The following IFNL2 variants were observed in gnomAD, a reference collection of about 807,000 sequenced individuals.
IFNL2 encodes the protein interferon lambda-2.
Under a neutral mutation model 18.7 loss-of-function variants are expected in IFNL2, and 17 were observed. The observed-to-expected ratio is 0.91, with a 90% CI of 0.62 to 1.36. The LOEUF is 1.36. IFNL2 is among the 40% of genes most tolerant of loss of function. The pLI is 0.00. For synonymous variants in IFNL2, 96 were observed against 113.4 expected (o/e 0.85, Z 0.98); for missense variants, 225 against 257.3 (o/e 0.87, Z 0.86).
chr19:39,269,347 C>G, intron 3 of IFNL2, 118 bp downstream of exon 3: 1 of 1,478,702 alleles, frequency 6.8e-7, no homozygotes, highest in Non-Finnish European at 9.2e-7. Flanking sequence ...CACCTGCTCT[C>G]CCTTCCCTCC....
In IFNL2 at chr19:39,269,638, G is replaced by A. The variant is rs775197345; in HGVS notation, c.420+1G>A. 6.2e-6 allele frequency: 10 copies of A among 1,613,798 alleles called. No homozygotes were observed. Among genetic ancestry groups the A allele is most frequent in the South Asian group, 1.1e-5 (1 of 91,078 alleles). ...TATCCTCTCCCAGTTCCGGGCCTGT[G>A]TGAGTCGTTGGGGCCTGGGCACCCA... is the stretch of plus-strand genomic sequence containing the variant. On this transcript the variant is annotated splice_donor_variant, in intron 4 of 5. Transcript: ENST00000331982. LOFTEE classifies it high-confidence loss of function.
rs562612532 is a variant in IFNL2 at position 39,269,056 on chromosome 19, C to A, written c.193-96C>A. ...CCTCTACCATCCTCCCAGCAGTTAA[C>A]CTCCCCTATCCTGTTGTCAGCCATC... On this transcript the variant is annotated intron_variant, in intron 2 of 5. Transcript: ENST00000331982. The A allele has an allele frequency of 2.8e-6, 4 of 1,438,018 alleles. No homozygotes were observed. The East Asian group carries it at 7.4e-5, about 27-fold the overall frequency. The allele number at this position is 1,438,018 out of a possible 1,614,324, so 89.1% of individuals were successfully genotyped here. A position where few individuals can be genotyped will look rare whatever the true frequency, so the allele number is the denominator to read the frequency against.
chr19:39,268,848 A>G lies in IFNL2; in HGVS notation c.182A>G (p.Lys61Arg). ...PQELQAFKRA[K>R]DALEESLLLK... ...GAGCTGCAGGCCTTTAAGAGGGCCA[A>G]AGATGCCTTAGTGAGTCTCCCCCTG... Residue 61 changes from lysine (K) to arginine (R), a missense_variant, in exon 2 of 6, where the codon AAA becomes AGA. Lys to Arg is a conservative substitution (Grantham distance 26). Coordinates refer to ENST00000331982, the MANE Select transcript of IFNL2 (RefSeq NM_172138.2). The G allele has an allele frequency of 1.2e-6, 2 of 1,612,298 alleles. No individual in the cohort carries two copies. Among genetic ancestry groups the G allele is most frequent in the African/African-American group, 1.3e-5 (1 of 74,854 alleles).
intron 3 of IFNL2, 104 bp downstream of exon 3, chr19:39,269,333 C>T: frequency 6.8e-7 from 1 of 1,478,018 alleles, no homozygotes; most frequent in Non-Finnish European, 9.2e-7. Flanking sequence ...CTCTCTTCTC[C>T]TCACACCTGC....
At chr19:39,269,012 T>C in intron 2 of IFNL2, 140 bp from the exon 3 acceptor site, 1 of 1,371,084 alleles carries the variant, frequency 7.3e-7, no homozygotes, top group Admixed American at 2.2e-5. Flanking sequence ...CTGACTCATG[T>C]TTTCCTGTAG....
chr19:39,269,833 G>A lies in IFNL2; in HGVS notation c.504+12G>A, dbSNP rs746655483. 19 of 1,607,912 alleles carry A rather than the reference G, an allele frequency of 1.2e-5. No homozygotes were observed. Among genetic ancestry groups the A allele is most frequent in the Admixed American group, 8.4e-5 (5 of 59,210 alleles). On this transcript the variant is annotated intron_variant, in intron 5 of 5. Coordinates refer to ENST00000331982, the MANE Select transcript of IFNL2 (RefSeq NM_172138.2). ...AGGCCCCAAAAAAGGTGAGTGACCC[G>A]GGAAGAGAGGGACTGAGGTCTGGGG...
In IFNL2 at chr19:39,268,769, C is replaced by G. The variant is rs767990657; in HGVS notation, c.103C>G (p.Leu35Val). 1.2e-6 allele frequency: 2 copies of G among 1,613,514 alleles called. No individual in the cohort carries two copies. The highest frequency in any genetic ancestry group is 1.7e-5 in the Admixed American group (1 of 59,996). Reference sequence around the variant, plus strand: ...TCCTGTCGCCAGGCTCCACGGGGCTCTCCCGGATGCAAGGGGCTGCCACAT... The same window carrying G: ...TCCTGTCGCCAGGCTCCACGGGGCTGTCCCGGATGCAAGGGGCTGCCACAT... ...AVPVARLHGA[L>V]PDARGCHIAQ... is the part of the protein sequence containing the mutation. Residue 35 changes from leucine to valine, a missense_variant, in exon 2 of 6, where the codon CTC becomes GTC. Leu to Val is a conservative substitution (Grantham distance 32). Transcript: ENST00000331982.
At position 39,268,975 on chromosome 19, in the gene IFNL2, G is replaced by A. The variant is rs2144995286; in HGVS notation, c.192+117G>A. On this transcript the variant is annotated intron_variant, in intron 2 of 5. Transcript: ENST00000331982. The stretch of plus-strand genomic sequence containing the variant: ...GCTAGCCTCCACCCTCCCTGCAGTG[G>A]GCTATCTCATGCTCCTACTGTAGGG... The A allele has an allele frequency of 1.1e-5, 16 of 1,393,266 alleles. No individual in the cohort carries two copies. The South Asian group carries it at 2.2e-4, about 19-fold the overall frequency. The allele number at this position is 1,393,266 out of a possible 1,614,324, so 86.3% of individuals were successfully genotyped here. A position where few individuals can be genotyped will look rare whatever the true frequency, so the allele number is the denominator to read the frequency against.
At chr19:39,269,347 C>T in intron 3 of IFNL2, 118 bp downstream of exon 3, 1 of 1,478,702 alleles carries the variant, frequency 6.8e-7, no homozygotes, top group Non-Finnish European at 9.2e-7. Context: ...CACCTGCTCT[C>T]CCTTCCCTCC....
Position 39,269,226 on chromosome 19 carries a change from G to A in IFNL2, c.267G>A (p.Leu89=), listed in dbSNP as rs754499511. The change falls in exon 3 of 6, where the codon CTG becomes CTA. Residue 89 remains leucine (L), a synonymous_variant. Transcript: ENST00000331982. Reference sequence around the variant, plus strand: ...CCAGGACCTGGGACCTGAGGCAGCTGCAGGTGAGAGGGGGAGTCAGGCCCA... The same window carrying A: ...CCAGGACCTGGGACCTGAGGCAGCTACAGGTGAGAGGGGGAGTCAGGCCCA... ...LFPRTWDLRQ[L]QVRERPMALE... 1.2e-6 allele frequency: 2 copies of A among 1,609,908 alleles called. No individual in the cohort carries two copies. The highest frequency in any genetic ancestry group is 2.2e-5 in the East Asian group (1 of 44,700).
At chr19:39,269,422 C>T (rs2075027152) in intron 3 of IFNL2, 66 bp from the exon 4 acceptor site, 1 of 1,583,956 alleles carries the variant, frequency 6.3e-7, no homozygotes, top group African/African-American at 1.3e-5. Context: ...TTGTTCCTCT[C>T]TATCCTGCTC....
intron 2 of IFNL2, 132 bp downstream of exon 2, chr19:39,268,990 C>T (rs1222257086): frequency 5.1e-6 from 7 of 1,378,714 alleles, no homozygotes; most frequent in Non-Finnish European, 6.9e-6. Context: ...TCTCATGCTC[C>T]TACTGTAGGG....
In IFNL2 at chr19:39,269,630, G is replaced by T. The variant is rs781235388; in HGVS notation, c.413G>T (p.Arg138Leu). 1.2e-6 allele frequency: 2 copies of T among 1,613,990 alleles called. No individual in the cohort carries two copies. Among genetic ancestry groups the T allele is most frequent in the African/African-American group, 1.3e-5 (1 of 75,004 alleles). Residue 138 changes from arginine to leucine, a missense_variant, in exon 4 of 6, where the codon CGG becomes CTG. Arg to Leu is a moderately radical substitution (Grantham distance 102). Transcript: ENST00000331982. ...CTGCACCATATCCTCTCCCAGTTCC[G>T]GGCCTGTGTGAGTCGTTGGGGCCTG... ...HTLHHILSQF[R>L]ACIQPQPTAG...
chr19:39,269,452 C>T (rs370263782), intron 3 of IFNL2, 36 bp from the exon 4 acceptor site: 56 of 1,611,422 alleles, frequency 3.5e-5, no homozygotes, highest in Non-Finnish European at 4.6e-5. Context: ...TTCCCCTCAC[C>T]TCCCCCCTCA....
intron 4 of IFNL2, 22 bp downstream of exon 4, chr19:39,269,659 A>C: frequency 6.2e-7 from 1 of 1,612,862 alleles, no homozygotes; most frequent in Non-Finnish European, 8.5e-7. Flanking sequence ...GGGCCTGGGC[A>C]CCCAGGTCTG....
At chr19:39,268,913 G>C in intron 2 of IFNL2, 55 bp downstream of exon 2, 2 of 1,572,940 alleles carry the variant, frequency 1.3e-6, no homozygotes, top group Non-Finnish European at 1.7e-6. Flanking sequence ...CACTCCAAGC[G>C]TCACCATGCT....
Position 39,269,165 on chromosome 19 carries a change from T to C in IFNL2, c.206T>C (p.Leu69Pro). The change falls in exon 3 of 6, where the codon CTG becomes CCG. Residue 69 changes from leucine (L) to proline (P), a missense_variant. Leu to Pro is a moderately conservative substitution (Grantham distance 98). Coordinates refer to ENST00000331982, the MANE Select transcript of IFNL2 (RefSeq NM_172138.2). ...RAKDALEESL[L>P]LKDCRCHSRL... Reference sequence around the variant, plus strand: ...TTTGCTGTCTAGGAAGAGTCGCTTCTGCTGAAGGACTGCAGGTGCCACTCC... The same window carrying C: ...TTTGCTGTCTAGGAAGAGTCGCTTCCGCTGAAGGACTGCAGGTGCCACTCC... 2 of 1,611,854 alleles carry C rather than the reference T, an allele frequency of 1.2e-6. No individual in the cohort carries two copies. The highest frequency in any genetic ancestry group is 1.3e-5 in the African/African-American group (1 of 74,958).
intron 2 of IFNL2, 21 bp downstream of exon 2, chr19:39,268,879 C>T: frequency 6.2e-7 from 1 of 1,601,016 alleles, no homozygotes; most frequent in Non-Finnish European, 8.5e-7. Flanking sequence ...CCCTGCCCTC[C>T]TGCCATGGAC....
intron 4 of IFNL2, 26 bp downstream of exon 4, chr19:39,269,663 A>C: frequency 6.2e-7 from 1 of 1,612,620 alleles, no homozygotes; most frequent in East Asian, 2.2e-5. Flanking sequence ...CTGGGCACCC[A>C]GGTCTGTGAG....
Sources: gnomAD v4.1 joint callset for allele counts on GRCh38, gnomAD v4.1.1 for gene constraint, MANE v1.5 for transcripts, NCBI Gene and HGNC (gene_info 2026-07-23, HGNC 2026-07-21) for gene names.